Variants in SDK1 observed in about 807,000 individuals in gnomAD.
The protein encoded by SDK1 is sidekick cell adhesion molecule 1.
SDK1 carries 157 observed loss-of-function variants against 245.5 expected under a neutral mutation model. The ratio of observed to expected loss-of-function variants is 0.64; its 90% CI spans 0.56 to 0.73. The LOEUF is 0.73. Among genes scored for constraint, SDK1 ranks in the 30% least tolerant of loss-of-function variants. The probability of loss-of-function intolerance (pLI) is 0.00; values close to 1 mark genes in which losing one functional copy is unlikely to be tolerated. For missense variants in SDK1, 3,583 were observed against 3,002.3 expected (o/e 1.19, Z -4.52); for synonymous variants, 1,647 against 1,278.5 (o/e 1.29, Z -6.15).
intron 1 of SDK1, among the ~76,000 whole-genome samples, chr7:3,521,093 C>T (rs765715310): frequency 6.6e-6 from 1 of 152,142 alleles, no homozygotes; most frequent in Non-Finnish European, 1.5e-5. Context: ...CTTTGATTGT[C>T]GGATGGAAGC....
chr7:3,953,017 T>C (rs1318254547), intron 7 of SDK1, among the ~76,000 whole-genome samples: 1 of 152,052 alleles, frequency 6.6e-6, no homozygotes, highest in Admixed American at 6.6e-5. Flanking sequence ...TGATAAGAGG[T>C]AGCCTTAGAG....
chr7:3,445,132 T>G (rs772892212), intron 1 of SDK1, among the ~76,000 whole-genome samples: 6 of 152,146 alleles, frequency 3.9e-5, no homozygotes, highest in Admixed American at 3.9e-4. Context: ...AAAGGCAGAT[T>G]TATATTAAAA....
intron 1 of SDK1, among the ~76,000 whole-genome samples, chr7:3,457,083 C>G (rs1365559465): frequency 1.3e-5 from 2 of 152,170 alleles, no homozygotes; most frequent in African/African-American, 2.4e-5. Flanking sequence ...GTGCTTCTGA[C>G]CACTGTTGTC....
intron 1 of SDK1, among the ~76,000 whole-genome samples, chr7:3,582,971 C>T (rs967223196): frequency 3.3e-5 from 5 of 152,196 alleles, no homozygotes; most frequent in African/African-American, 1.2e-4. Flanking sequence ...GATCATGCAT[C>T]TAGAACTCCG....
In SDK1 at chr7:4,220,245, C is replaced by T. The variant is rs1455915187; in HGVS notation, c.5676C>T (p.Ala1892=). The change falls in exon 39 of 45, where the codon GCC becomes GCT. Residue 1892 remains alanine, a synonymous_variant. Transcript: ENST00000404826. ...TCACCTACGGGCCCGAGCTCCAAGC[C>T]AATATCACAGCCGGGCCAGCCGAGG... ...RTITYGPELQ[A]NITAGPAEGS... is the part of the protein sequence containing the mutation. The T allele has an allele frequency of 6.2e-7, 1 of 1,613,868 alleles. No individual in the cohort carries two copies. The highest frequency in any genetic ancestry group is 2.2e-5 in the East Asian group (1 of 44,844).
chr7:3,430,189 G>C lies in SDK1; in HGVS notation c.298+128305G>C, dbSNP rs78485907. Among the ~76,000 whole-genome samples, 1,388 of 152,270 alleles carry C rather than the reference G, an allele frequency of 9.1e-3. 26 individuals are homozygous for C. Among genetic ancestry groups the C allele is most frequent in the African/African-American group, 0.032 (1,309 of 41,552 alleles). ...TCCGCATGCTCCTAGAGAAGGAGCC[G>C]TTTCAGCGAGTCACTTCTCAGGTAT... On this transcript the variant is annotated intron_variant, in intron 1 of 44. Transcript: ENST00000404826.
intron 5 of SDK1, among the ~76,000 whole-genome samples, chr7:3,861,178 T>G (rs10085568): frequency 3.3e-5 from 5 of 152,024 alleles, no homozygotes; most frequent in African/African-American, 9.7e-5. Flanking sequence ...TGGAAACAGT[T>G]GTAATGTTCC....
chr7:3,316,014 A>G (rs1326506608), intron 1 of SDK1, among the ~76,000 whole-genome samples: 2 of 152,190 alleles, frequency 1.3e-5, no homozygotes, highest in African/African-American at 2.4e-5. Context: ...TTTAATCTTT[A>G]TGATTCTAGT....
chr7:3,969,495 G>C (rs572190468), intron 11 of SDK1, 71 bp downstream of exon 11: 4 of 1,251,972 alleles, frequency 3.2e-6, no homozygotes, highest in Non-Finnish European at 4.3e-6. Context: ...GTGTGCTTTG[G>C]GGATGTCAGC....
intron 4 of SDK1, among the ~76,000 whole-genome samples, chr7:3,651,613 C>A (rs930397495): frequency 2.0e-5 from 3 of 152,104 alleles, no homozygotes; most frequent in Admixed American, 2.0e-4. Flanking sequence ...GGGATAGATA[C>A]TATGCAGAGA....
intron 4 of SDK1, among the ~76,000 whole-genome samples, chr7:3,646,318 A>AT (rs527745397): frequency 5.7e-4 from 81 of 141,738 alleles, no homozygotes; most frequent in African/African-American, 1.3e-3. Flanking sequence ...TAATTAAATG[A>AT]TTTTTTTTTT....
Position 3,897,418 on chromosome 7 carries a change from A to G in SDK1, c.848-53505A>G, listed in dbSNP as rs1781640004. 2.6e-5 allele frequency among the ~76,000 whole-genome samples: 4 copies of G among 151,864 alleles called. No individual in the cohort carries two copies. The South Asian group carries it at 6.2e-4, about 24-fold the overall frequency. On this transcript the variant is annotated intron_variant, in intron 5 of 44. Transcript: ENST00000404826. ...TGTACTTCCTGTCTCCTTGAATTCTACTACTCTAGAGGCCTCATATAAGTG... is the reference window on the plus strand; with the variant it reads ...TGTACTTCCTGTCTCCTTGAATTCTGCTACTCTAGAGGCCTCATATAAGTG...
intron 5 of SDK1, among the ~76,000 whole-genome samples, chr7:3,881,942 G>A (rs1989732): frequency 0.014 from 2,152 of 152,138 alleles, 60 homozygotes; most frequent in African/African-American, 0.05. Context: ...CCATTTTCAC[G>A]CTGCTGATAA....
At chr7:4,035,266 T>G (rs1399383728) in intron 17 of SDK1, among the ~76,000 whole-genome samples, 2 of 152,122 alleles carry the variant, frequency 1.3e-5, no homozygotes, top group African/African-American at 4.8e-5. Flanking sequence ...ATTACAGGTG[T>G]GTGCCACCAT....
chr7:3,743,172 C>G (rs535616689), intron 4 of SDK1, among the ~76,000 whole-genome samples: 1 of 152,150 alleles, frequency 6.6e-6, no homozygotes, highest in African/African-American at 2.4e-5. Flanking sequence ...GGAAAAGTCT[C>G]AATATAGAGG....
At chr7:3,307,520 A>C (rs925220765) in intron 1 of SDK1, among the ~76,000 whole-genome samples, 1 of 152,202 alleles carries the variant, frequency 6.6e-6, no homozygotes, top group Non-Finnish European at 1.5e-5. Context: ...AAAAATCATG[A>C]TTATTATGGG....
chr7:3,966,539 G>T (rs1459738574), intron 9 of SDK1, among the ~76,000 whole-genome samples: 2 of 152,114 alleles, frequency 1.3e-5, no homozygotes, highest in African/African-American at 4.8e-5. Flanking sequence ...AAGAAACCCA[G>T]CACTTGGGGA....
chr7:3,602,283 C>G (rs1388309499), intron 1 of SDK1, among the ~76,000 whole-genome samples: 1 of 151,224 alleles, frequency 6.6e-6, no homozygotes, highest in Admixed American at 6.6e-5. Context: ...AACTAGTTTA[C>G]AGTCCCACCA....
chr7:4,051,161 G>C (rs1255394522), intron 18 of SDK1, among the ~76,000 whole-genome samples: 2 of 134,710 alleles, frequency 1.5e-5, no homozygotes, highest in African/African-American at 5.6e-5. Context: ...TATACATATA[G>C]TATATATGTA....
Sources: allele counts gnomAD v4.1 joint callset (sites outside exome capture counted in the v4.1 genomes callset), GRCh38; gene constraint gnomAD v4.1.1; transcripts MANE v1.5; gene names NCBI Gene and HGNC (gene_info 2026-07-23, HGNC 2026-07-21).